Variants in TP63 observed in about 807,000 individuals in gnomAD.
TP63 encodes the protein tumor protein 63.
TP63 carries 17 observed loss-of-function variants against 82.8 expected under a neutral mutation model. That is an observed-to-expected ratio of 0.21 (90% CI 0.14 to 0.31). TP63 has a LOEUF of 0.31. Among genes scored for constraint, TP63 ranks in the 10% least tolerant of loss-of-function variants. The pLI, the probability that TP63 is intolerant of heterozygous loss-of-function variation, is 1.00. For synonymous variants in TP63, 330 were observed against 321.7 expected (o/e 1.03, Z -0.28); for missense variants, 648 against 895.3 (o/e 0.72, Z 3.52).
At chr3:189,693,271 C>T (rs1717089014) in intron 1 of TP63, among the ~76,000 whole-genome samples, 1 of 152,140 alleles carries the variant, frequency 6.6e-6, no homozygotes, top group Non-Finnish European at 1.5e-5. Flanking sequence ...TAAACTAATT[C>T]TTCCAATTGC....
At chr3:189,650,622 C>T (rs1214050260) in intron 1 of TP63, among the ~76,000 whole-genome samples, 1 of 147,188 alleles carries the variant, frequency 6.8e-6, no homozygotes, top group Non-Finnish European at 1.5e-5. Context: ...TCCCATTCTG[C>T]CATGATTGTA....
At chr3:189,670,802 G>A (rs1226585052) in intron 1 of TP63, among the ~76,000 whole-genome samples, 1 of 151,984 alleles carries the variant, frequency 6.6e-6, no homozygotes, top group African/African-American at 2.4e-5. Flanking sequence ...CATACATTGG[G>A]AAAATGACAC....
At chr3:189,799,695 C>G (rs903106147) in intron 3 of TP63, among the ~76,000 whole-genome samples, 4 of 152,006 alleles carry the variant, frequency 2.6e-5, no homozygotes, top group African/African-American at 7.2e-5. Flanking sequence ...TCCCACCTAC[C>G]AAGACAAAGC....
chr3:189,707,010 A>G (rs908155856), intron 1 of TP63, among the ~76,000 whole-genome samples: 3 of 151,112 alleles, frequency 2.0e-5, no homozygotes. Flanking sequence ...TTGCTAGCTC[A>G]CTTTCTTAAG....
intron 1 of TP63, among the ~76,000 whole-genome samples, chr3:189,714,361 T>G (rs1718805473): frequency 6.6e-6 from 1 of 152,170 alleles, no homozygotes; most frequent in Non-Finnish European, 1.5e-5. Context: ...GCTCCAGAAA[T>G]TATCCCATCA....
the TP63 span, among the ~76,000 whole-genome samples, chr3:189,620,634 C>G: frequency 6.6e-6 from 1 of 152,024 alleles, no homozygotes. Context: ...GCTAATGAGG[C>G]ATTCTTGAGT....
At chr3:189,659,645 GC>G (rs1713700582) in intron 1 of TP63, among the ~76,000 whole-genome samples, 1 of 151,894 alleles carries the variant, frequency 6.6e-6, no homozygotes, top group African/African-American at 2.4e-5. Context: ...TAATTGCTTT[GC>G]ACAGTGGCTG....
At chr3:189,692,114 A>G (rs192375115) in intron 1 of TP63, among the ~76,000 whole-genome samples, 129 of 152,318 alleles carry the variant, frequency 8.5e-4, no homozygotes, top group African/African-American at 2.8e-3. Context: ...ATAAACAGCA[A>G]CTGTGAGGTA....
chr3:189,841,389 G>T (rs896485090), intron 4 of TP63, among the ~76,000 whole-genome samples: 1 of 152,170 alleles, frequency 6.6e-6, no homozygotes, highest in Non-Finnish European at 1.5e-5. Context: ...GTGAGTGATG[G>T]TGTCATTTAT....
chr3:189,703,575 T>C (rs1027150884), intron 1 of TP63, among the ~76,000 whole-genome samples: 3 of 152,004 alleles, frequency 2.0e-5, no homozygotes, highest in African/African-American at 7.3e-5. Flanking sequence ...TAAGATGATA[T>C]TGAAAGAAAA....
intron 3 of TP63, among the ~76,000 whole-genome samples, chr3:189,751,898 C>T (rs1721852286): frequency 6.6e-6 from 1 of 152,102 alleles, no homozygotes; most frequent in Non-Finnish European, 1.5e-5. Context: ...CTTTCCCATG[C>T]CTATGTCCTC....
At chr3:189,864,726 G>T (rs746595083) in intron 5 of TP63, among the ~76,000 whole-genome samples, 2 of 151,722 alleles carry the variant, frequency 1.3e-5, no homozygotes, top group African/African-American at 2.4e-5. Flanking sequence ...AAAATAAGAG[G>T]CTGGGTACGG....
At chr3:189,632,216 G>A (rs1328505869) in intron 1 of TP63, among the ~76,000 whole-genome samples, 1 of 152,122 alleles carries the variant, frequency 6.6e-6, no homozygotes, top group Non-Finnish European at 1.5e-5. Flanking sequence ...AATGAAATCT[G>A]AACAGTGTTT....
intron 1 of TP63, among the ~76,000 whole-genome samples, chr3:189,682,975 A>T (rs1560107848): frequency 1.3e-5 from 2 of 152,152 alleles, no homozygotes; most frequent in South Asian, 4.1e-4. Flanking sequence ...ACTTCATTTA[A>T]TATGCTATTT....
intron 4 of TP63, among the ~76,000 whole-genome samples, chr3:189,832,386 G>A (rs544545976): frequency 3.9e-5 from 6 of 152,144 alleles, no homozygotes; most frequent in African/African-American, 9.6e-5. Flanking sequence ...AGTATATATC[G>A]TTCATTACAT....
chr3:189,735,504 A>T (rs1219435826), intron 1 of TP63, among the ~76,000 whole-genome samples: 2 of 152,196 alleles, frequency 1.3e-5, no homozygotes, highest in Non-Finnish European at 2.9e-5. Context: ...ACACGGTTCA[A>T]TCAAGCTGGA....
intron 1 of TP63, among the ~76,000 whole-genome samples, chr3:189,686,180 G>T (rs1238241774): frequency 6.6e-6 from 1 of 152,162 alleles, no homozygotes; most frequent in East Asian, 1.9e-4. Flanking sequence ...TGTACTCTTG[G>T]TGTCCAGGTT....
intron 1 of TP63, among the ~76,000 whole-genome samples, chr3:189,715,776 TG>T (rs1718914440): frequency 6.6e-6 from 1 of 152,242 alleles, no homozygotes; most frequent in African/African-American, 2.4e-5. Flanking sequence ...TGCACTGATT[TG>T]GTCTGTTTGT....
At chr3:189,773,367 C>T (rs572765950) in intron 3 of TP63, among the ~76,000 whole-genome samples, 5 of 152,290 alleles carry the variant, frequency 3.3e-5, no homozygotes, top group East Asian at 1.9e-4. Context: ...TTTCAGACAG[C>T]TTCAGGCCAT....
Sources: gnomAD v4.1 joint callset for allele counts (sites outside exome capture counted in the v4.1 genomes callset) on GRCh38, gnomAD v4.1.1 for gene constraint, MANE v1.5 for transcripts, NCBI Gene and HGNC (gene_info 2026-07-23, HGNC 2026-07-21) for gene names.